Variants in SRGAP3 observed in about 807,000 individuals in gnomAD.
The protein encoded by SRGAP3 is SLIT-ROBO Rho GTPase activating protein 3, also known as SLIT-ROBO Rho GTPase-activating protein 3.
SRGAP3 carries 39 observed loss-of-function variants against 121.1 expected under a neutral mutation model. The observed-to-expected ratio is 0.32, with a 90% confidence interval of 0.25 to 0.42. The LOEUF is 0.42. SRGAP3 is among the 10% of genes least tolerant of loss of function. The probability of loss-of-function intolerance (pLI) is 1.00; values close to 1 mark genes in which losing one functional copy is unlikely to be tolerated. For missense variants in SRGAP3, 1,213 were observed against 1,470.6 expected (o/e 0.82, Z 2.86); for synonymous variants, 601 against 570.0 (o/e 1.05, Z -0.77).
chr3:9,108,964 G>A (rs1948520389), intron 2 of SRGAP3, among the ~76,000 whole-genome samples: 1 of 152,196 alleles, frequency 6.6e-6, no homozygotes, highest in Admixed American at 6.5e-5. Flanking sequence ...TGATTCCGAG[G>A]CTCAGATCTT....
rs202133563 is a variant in SRGAP3, at chr3:9,135,553, GGGTT to G, written c.68-10640_68-10637del. Among the ~76,000 whole-genome samples the G allele has an allele frequency of 5.1e-3, 771 of 152,316 alleles. 2 individuals are homozygous for G. Among genetic ancestry groups the G allele is most frequent in the Non-Finnish European group, 8.7e-3 (593 of 68,036 alleles). The stretch of plus-strand genomic sequence containing the variant: ...CCTGGACTCTGGAGCCACTCTCACA[GGGTT>G]GATTATTGTCTCTGCCGGATCTGCA... On this transcript the variant is annotated intron_variant, in intron 1 of 21. Coordinates refer to ENST00000383836, the MANE Select transcript of SRGAP3 (RefSeq NM_014850.4).
At chr3:9,226,686 A>G (rs1952998341) in intron 1 of SRGAP3, among the ~76,000 whole-genome samples, 1 of 152,188 alleles carries the variant, frequency 6.6e-6, no homozygotes. Context: ...GTTTTCAGAC[A>G]TAAGGGCAAG....
At chr3:9,233,112 C>T (rs921720455) in intron 1 of SRGAP3, among the ~76,000 whole-genome samples, 1 of 152,192 alleles carries the variant, frequency 6.6e-6, no homozygotes, top group Non-Finnish European at 1.5e-5. Context: ...TTAATTAATG[C>T]TACTGTGTGC....
intron 2 of SRGAP3, among the ~76,000 whole-genome samples, chr3:9,108,078 G>A (rs1948479327): frequency 6.6e-6 from 1 of 152,192 alleles, no homozygotes; most frequent in South Asian, 2.1e-4. Flanking sequence ...TGTAGGACAT[G>A]AGGCTGGGGA....
In SRGAP3 at chr3:8,985,527, TG is replaced by T; in HGVS notation, c.3291del (p.Thr1098ProfsTer50). 6.3e-7 allele frequency: 1 copy of T among 1,598,170 alleles called. No homozygotes were observed. Among genetic ancestry groups the T allele is most frequent in the Non-Finnish European group, 8.5e-7 (1 of 1,179,246 alleles). ...GCGGCCCATCCTGCAGGTCACATGG[TG>T]CCCGACTTGTCCGCTGAGCTGTTGG... ...MFPNSSADKS[G>X]TM On this transcript the variant is annotated frameshift_variant, in exon 22 of 22. Transcript: ENST00000383836. LOFTEE classifies it high-confidence loss of function. This position sits in a 1 kb window ranked among gnomAD's most constrained non-coding sequence, Gnocchi z 5.1.
At chr3:9,025,397 G>T in intron 13 of SRGAP3, 59 bp from the exon 14 acceptor site, 2 of 1,544,122 alleles carry the variant, frequency 1.3e-6, no homozygotes, top group South Asian at 2.2e-5. Flanking sequence ...GAGTTCATTA[G>T]ACTACCGGGA....
chr3:9,018,698 T>C (rs1396837406), intron 14 of SRGAP3, among the ~76,000 whole-genome samples: 5 of 152,244 alleles, frequency 3.3e-5, no homozygotes, highest in Admixed American at 2.6e-4. Flanking sequence ...TAGTTATCAA[T>C]TTGGTAAGTG....
intron 18 of SRGAP3, among the ~76,000 whole-genome samples, chr3:8,999,503 G>A (rs1431602425): frequency 6.6e-6 from 1 of 152,168 alleles, no homozygotes; most frequent in Non-Finnish European, 1.5e-5. Flanking sequence ...AGAGGGGATG[G>A]CTCCATTCCT....
At chr3:9,314,794 C>G (rs867148905) in intron 3 of SRGAP3, among the ~76,000 whole-genome samples, 1 of 152,176 alleles carries the variant, frequency 6.6e-6, no homozygotes, top group African/African-American at 2.4e-5. Context: ...CAGTGCCCCT[C>G]TACAGAAACC....
rs375372425 is a variant in SRGAP3, at chr3:9,303,351, G to T, written n.442+22659C>A. 2.0e-3 allele frequency among the ~76,000 whole-genome samples: 308 copies of T among 151,998 alleles called. 1 individual carries two copies. Among genetic ancestry groups the T allele is most frequent in the South Asian group, 4.4e-3 (21 of 4,818 alleles). The stretch of plus-strand genomic sequence containing the variant: ...GAAGCAGGAGAATTGCTTGAACCCG[G>T]GAGGTGGAGGTTGCAGCAAGCTGAG... On this transcript the variant is annotated intron_variant and non_coding_transcript_variant, in intron 3 of 3. Transcript: ENST00000490889.
At chr3:9,132,281 G>A (rs1185417027) in intron 1 of SRGAP3, among the ~76,000 whole-genome samples, 2 of 152,050 alleles carry the variant, frequency 1.3e-5, no homozygotes, top group Non-Finnish European at 2.9e-5. Context: ...CTTACATTAC[G>A]GCTCACCCTT....
At chr3:8,989,487 C>A (rs1941912733) in intron 21 of SRGAP3, among the ~76,000 whole-genome samples, 1 of 152,214 alleles carries the variant, frequency 6.6e-6, no homozygotes, top group Admixed American at 6.5e-5. Flanking sequence ...TGACTCCCTG[C>A]CCTTCTTCCT....
At chr3:9,133,204 G>A (rs985352688) in intron 1 of SRGAP3, among the ~76,000 whole-genome samples, 5 of 152,070 alleles carry the variant, frequency 3.3e-5, no homozygotes, top group South Asian at 2.1e-4. Flanking sequence ...CCTGGAGGCC[G>A]GGCACAGTGG....
intron 9 of SRGAP3, among the ~76,000 whole-genome samples, chr3:9,050,391 T>TTAGCGCAAATTA (rs1194215012): frequency 6.6e-6 from 1 of 152,220 alleles, no homozygotes; most frequent in Admixed American, 6.5e-5. Context: ...CATCCACTGG[T>TTAGCGCAAATTA]TAGCGCAAAT....
At chr3:9,028,138 CA>C in intron 12 of SRGAP3, 7 of 1,614,038 alleles carry the variant, frequency 4.3e-6, no homozygotes, top group Non-Finnish European at 5.9e-6. Context: ...CCTCTGATAA[CA>C]AAAAATAAAC....
chr3:9,243,716 A>C (rs1953730895), intron 1 of SRGAP3, among the ~76,000 whole-genome samples: 1 of 152,026 alleles, frequency 6.6e-6, no homozygotes, highest in South Asian at 2.1e-4. Context: ...TATCACAGAG[A>C]AAATGACTGA....
At position 9,123,388 on chromosome 3, in the gene SRGAP3, T is replaced by C. The variant is rs1484409158; in HGVS notation, c.260+1337A>G. ...CAATTAAAAAATATATATATATATA[T>C]ACATACACAATACACATACATACAC... On this transcript the variant is annotated intron_variant, in intron 2 of 21. Transcript: ENST00000383836. Among the ~76,000 whole-genome samples, 30 of 19,682 alleles carry C rather than the reference T, an allele frequency of 1.5e-3. No individual in the cohort carries two copies. In the East Asian group the frequency reaches 0.027, roughly 18 times the overall value. The allele number at this position is 19,682 out of a possible 152,430, so 12.9% of individuals were successfully genotyped here.
At chr3:9,044,502 G>A (rs1049446366) in intron 10 of SRGAP3, among the ~76,000 whole-genome samples, 3 of 152,126 alleles carry the variant, frequency 2.0e-5, no homozygotes, top group South Asian at 2.1e-4. Flanking sequence ...AATTTAAAAC[G>A]TATGAATTGT....
At chr3:9,054,819 C>T (rs1945743678) in intron 8 of SRGAP3, among the ~76,000 whole-genome samples, 1 of 152,204 alleles carries the variant, frequency 6.6e-6, no homozygotes, top group Non-Finnish European at 1.5e-5. Context: ...ATGTTTGGCA[C>T]ATAGTATGTG....
Sources: allele counts gnomAD v4.1 joint callset (sites outside exome capture counted in the v4.1 genomes callset), GRCh38; gene constraint gnomAD v4.1.1; non-coding constraint Gnocchi (gnomAD v3.1); transcripts MANE v1.5; gene names NCBI Gene and HGNC (gene_info 2026-07-23, HGNC 2026-07-21).